Variants in UBE2U observed in about 807,000 individuals in gnomAD.
UBE2U encodes the protein ubiquitin conjugating enzyme E2 U.
UBE2U carries 39 observed loss-of-function variants against 41.2 expected under a neutral mutation model. That is an observed-to-expected ratio of 0.95 (90% CI 0.73 to 1.24). The LOEUF is 1.24. UBE2U is among the 50% of genes most tolerant of loss of function. The pLI is 0.00. For missense variants in UBE2U, 336 were observed against 363.1 expected, an observed-to-expected ratio of 0.93 and a Z score of 0.61; for synonymous variants, 107 against 117.8, an observed-to-expected ratio of 0.91 and a Z score of 0.60.
chr1:64,210,014 A>G (rs1319570139), intron 3 of UBE2U, among the ~76,000 whole-genome samples: 1 of 152,126 alleles, frequency 6.6e-6, no homozygotes, highest in African/African-American at 2.4e-5. Context: ...TTTGTCATTA[A>G]TTTTCAACTT....
chr1:64,245,477 A>G (rs1200379793), intron 8 of UBE2U, among the ~76,000 whole-genome samples: 1 of 152,230 alleles, frequency 6.6e-6, no homozygotes, highest in Non-Finnish European at 1.5e-5. Flanking sequence ...TTGTCTAAAT[A>G]AAACTTATCA....
rs541432038 is a variant in UBE2U, at chr1:64,215,227, G to A, written c.457+295G>A. 2.5e-4 allele frequency among the ~76,000 whole-genome samples: 38 copies of A among 150,842 alleles called. 4 individuals are homozygous for A. The South Asian group carries it at 4.8e-3, about 19-fold the overall frequency. On this transcript the variant is annotated intron_variant, in intron 5 of 9. Transcript: ENST00000371077. ...GCCCGGGCAACGAGAGTGAAACTCT[G>A]TCTCAAAAAAAAAAAGAAGTACCTA...
At chr1:64,224,885 A>G (rs769410155) in intron 6 of UBE2U, among the ~76,000 whole-genome samples, 40 of 151,998 alleles carry the variant, frequency 2.6e-4, no homozygotes, top group Non-Finnish European at 5.1e-4. Context: ...TTTTGCCACA[A>G]TAAAAAATAA....
intron 5 of UBE2U, among the ~76,000 whole-genome samples, chr1:64,216,853 T>C (rs1184027064): frequency 2.0e-5 from 3 of 152,316 alleles, no homozygotes; most frequent in Non-Finnish European, 4.4e-5. Context: ...GACCTTCCCA[T>C]TTCCTGACAG....
At chr1:64,266,868 A>G (rs986797444) in intron 9 of UBE2U, 156 bp from the exon 10 acceptor site, 8 of 650,834 alleles carry the variant, frequency 1.2e-5, no homozygotes, top group Non-Finnish European at 2.1e-5. Flanking sequence ...AAATAAAGTT[A>G]CTTACAAAAC....
intron 8 of UBE2U, among the ~76,000 whole-genome samples, chr1:64,260,048 G>T (rs148557280): frequency 1.3e-5 from 2 of 151,864 alleles, no homozygotes; most frequent in African/African-American, 4.8e-5. Context: ...AGACCCACAC[G>T]GAAAAGGTCA....
chr1:64,212,394 C>T (rs1651716203), intron 4 of UBE2U, among the ~76,000 whole-genome samples: 1 of 152,188 alleles, frequency 6.6e-6, no homozygotes, highest in South Asian at 2.1e-4. Context: ...TCTGAGTTAG[C>T]TTGCTTGGCT....
chr1:64,239,288 T>C (rs33994100), intron 7 of UBE2U, among the ~76,000 whole-genome samples: 25,646 of 151,602 alleles, frequency 0.17, 2,527 homozygotes, highest in East Asian at 0.42. Context: ...AATAGGAAAA[T>C]AGATAAAGTA....
intron 5 of UBE2U, among the ~76,000 whole-genome samples, chr1:64,220,634 GT>G (rs545262609): frequency 3.2e-4 from 48 of 148,570 alleles, no homozygotes; most frequent in African/African-American, 6.9e-4. Context: ...TCATCAAGCA[GT>G]TTTTTTTTTC....
intron 7 of UBE2U, among the ~76,000 whole-genome samples, chr1:64,233,985 AGCACACT>A (rs1425445902): frequency 6.6e-6 from 1 of 152,114 alleles, no homozygotes; most frequent in Non-Finnish European, 1.5e-5. Flanking sequence ...TCCCTTCCTA[AGCACACT>A]GCTGCCTCTT....
chr1:64,215,863 C>T (rs961767652), intron 5 of UBE2U, among the ~76,000 whole-genome samples: 1 of 152,078 alleles, frequency 6.6e-6, no homozygotes, highest in South Asian at 2.1e-4. Flanking sequence ...CTGCTTCTGG[C>T]TTCTTGTGCA....
chr1:64,225,232 G>C (rs1652787397), intron 6 of UBE2U, among the ~76,000 whole-genome samples: 1 of 152,116 alleles, frequency 6.6e-6, no homozygotes, highest in African/African-American at 2.4e-5. Context: ...ATCAAGATTT[G>C]TGAAATTGAA....
chr1:64,213,978 G>T (rs540979670), intron 4 of UBE2U, among the ~76,000 whole-genome samples: 17 of 152,170 alleles, frequency 1.1e-4, no homozygotes, highest in Admixed American at 9.2e-4. Flanking sequence ...TAAAAATTTG[G>T]TATTATTATC....
At chr1:64,206,940 A>T (rs923910068) in intron 3 of UBE2U, 84 bp downstream of exon 3, 20 of 852,278 alleles carry the variant, frequency 2.3e-5, no homozygotes, top group Non-Finnish European at 3.3e-5. Context: ...TCTTTTTAAG[A>T]ACTTTATTAT....
chr1:64,238,676 C>T (rs556863665), intron 7 of UBE2U, among the ~76,000 whole-genome samples: 1 of 152,000 alleles, frequency 6.6e-6, no homozygotes, highest in African/African-American at 2.4e-5. Flanking sequence ...GGAAACTATT[C>T]AGTTAAAAAT....
chr1:64,208,836 T>C (rs191240294), intron 3 of UBE2U, among the ~76,000 whole-genome samples: 14 of 152,258 alleles, frequency 9.2e-5, no homozygotes, highest in African/African-American at 3.4e-4. Flanking sequence ...GCGTGGCATA[T>C]AGTAGGTATT....
At position 64,250,995 on chromosome 1, in the gene UBE2U, A is replaced by G. The variant is rs536145103; in HGVS notation, c.677+9262A>G. 6.6e-5 allele frequency among the ~76,000 whole-genome samples: 10 copies of G among 151,942 alleles called. No individual in the cohort carries two copies. The East Asian group carries it at 1.4e-3, about 21-fold the overall frequency. On this transcript the variant is annotated intron_variant, in intron 8 of 9. Coordinates refer to ENST00000371077, the MANE Select transcript of UBE2U (RefSeq NM_001366232.2). Reference sequence around the variant, plus strand: ...GAGTTAATGGGTGCAGCACACCAACATGGCACATGTATACATATGTAACCA... The same window carrying G: ...GAGTTAATGGGTGCAGCACACCAACGTGGCACATGTATACATATGTAACCA...
At chr1:64,259,184 A>G (rs705539) in intron 8 of UBE2U, among the ~76,000 whole-genome samples, 61,946 of 151,786 alleles carry the variant, frequency 0.41, 13,481 homozygotes, top group Middle Eastern at 0.53. Context: ...TTTTTTTCTT[A>G]TAAATTTGTT....
At chr1:64,259,894 C>A (rs1645155200) in intron 8 of UBE2U, among the ~76,000 whole-genome samples, 1 of 151,724 alleles carries the variant, frequency 6.6e-6, no homozygotes, top group African/African-American at 2.4e-5. Flanking sequence ...AAACACCTGT[C>A]CCCCCAGAAC....
Sources: gnomAD v4.1 joint callset for allele counts (sites outside exome capture counted in the v4.1 genomes callset) on GRCh38, gnomAD v4.1.1 for gene constraint, MANE v1.5 for transcripts, NCBI Gene and HGNC (gene_info 2026-07-23, HGNC 2026-07-21) for gene names.